IDS: variants seen among roughly 807,000 people sequenced by gnomAD.
IDS encodes the protein alpha-L-iduronate sulfate sulfatase.
A neutral mutation model predicts 33.5 loss-of-function variants in IDS; 1 was observed. The observed-to-expected ratio is 0.03, with a 90% CI of 0.01 to 0.14. IDS has a LOEUF of 0.14. IDS is among the 10% of genes least tolerant of loss of function. IDS has a pLI of 1.00. For missense variants in IDS, 328 were observed against 448.0 expected (o/e 0.73, Z 2.42); for synonymous variants, 191 against 184.4 (o/e 1.04, Z -0.29).
chrX:149,499,895 C>T (rs2089465957), intron 4 of IDS, among the ~76,000 whole-genome samples: 1 of 111,212 alleles, frequency 9.0e-6, no homozygotes, highest in East Asian at 2.8e-4. Flanking sequence ...AGTAGACATG[C>T]TGGCCGTGAG....
Position 149,501,004 on chromosome X carries a change from T to C in IDS, c.452A>G (p.Tyr151Cys). The C allele has an allele frequency of 8.5e-7, 1 of 1,177,910 alleles. No individual in the cohort carries two copies. Among genetic ancestry groups the C allele is most frequent in the South Asian group, 1.8e-5 (1 of 56,491 alleles). ...ISSNHTDDSPYSWSFPPYHPS... is the reference protein window; with the variant it reads ...ISSNHTDDSPCSWSFPPYHPS... ...ATGATAAGGTGGAAAAGACCAGCTATACGGAGAATCATCGGTATGGTTAGA... is the reference window on the plus strand; with the variant it reads ...ATGATAAGGTGGAAAAGACCAGCTACACGGAGAATCATCGGTATGGTTAGA... Residue 151 changes from tyrosine to cysteine, a missense_variant, in exon 4 of 9, where the codon TAT becomes TGT. This residue lies in a region of IDS where 265 missense variants were observed against 339.2 expected (regional missense o/e 0.78). Transcript: ENST00000340855.
chrX:149,479,904 C>T lies in IDS; in HGVS notation c.*2842G>A, dbSNP rs2089286598. ...AAATACCTTTTTAAAGTAAAGCGAA[C>T]ACAAGATTCTTTAGCAATGTTCATT... On this transcript the variant is annotated 3_prime_UTR_variant, in exon 9 of 9. Coordinates refer to ENST00000340855, the MANE Select transcript of IDS (RefSeq NM_000202.8). 5.1e-6 allele frequency: 1 copy of T among 196,251 alleles called. No homozygotes were observed. Among genetic ancestry groups the T allele is most frequent in the East Asian group, 8.5e-5 (1 of 11,747 alleles). The allele number at this position is 196,251 out of a possible 1,213,427, so 16.2% of individuals were successfully genotyped here.
chrX:149,485,307 G>A lies in IDS; in HGVS notation c.1180+1618C>T, dbSNP rs151276912. On this transcript the variant is annotated intron_variant, in intron 8 of 8. Transcript: ENST00000340855. ...CAAGGGATCCAGGGCACAAGCAAGG[G>A]GACCATTTAGCAAGCTCTTGCAGTA... is the stretch of plus-strand genomic sequence containing the variant. Among the ~76,000 whole-genome samples the A allele has an allele frequency of 4.3e-3, 477 of 112,090 alleles. 1 individual carries two copies. The highest frequency in any genetic ancestry group is 0.015 in the African/African-American group (453 of 30,809).
chrX:149,484,473 C>T (rs979449200), intron 8 of IDS, among the ~76,000 whole-genome samples: 7 of 112,153 alleles, frequency 6.2e-5, no homozygotes, highest in Non-Finnish European at 1.3e-4. Flanking sequence ...AGGCATGCAC[C>T]GCCACACCCA....
In IDS at chrX:149,496,648, C is replaced by A. The variant is rs1226651991; in HGVS notation, c.709-132G>T. ...TTGAGTGGTGGCTCACTAGCATTCC[C>A]CACGTGCTCGGCCCTGACCTGGAAG... On this transcript the variant is annotated intron_variant, in intron 5 of 8. Coordinates refer to ENST00000340855, the MANE Select transcript of IDS (RefSeq NM_000202.8). 3 of 649,613 alleles carry A rather than the reference C, an allele frequency of 4.6e-6. No individual in the cohort carries two copies. The African/African-American group carries it at 6.5e-5, about 14-fold the overall frequency. 53.5% of individuals were successfully genotyped at this position (649,613 alleles called of 1,213,427 possible). A position where few individuals can be genotyped will look rare whatever the true frequency, so the allele number is the denominator to read the frequency against.
Position 149,505,052 on chromosome X carries a change from T to C in IDS, c.86A>G (p.Gln29Arg). 8.3e-7 allele frequency: 1 copy of C among 1,206,829 alleles called. No homozygotes were observed. Among genetic ancestry groups the C allele is most frequent in the Non-Finnish European group, 1.1e-6 (1 of 891,884 alleles). ...SVCVALGSET[Q>R]ANSTTDALNV... ...GGCGGCACCTGTGGTCGAGTTGGCC[T>C]GCGTTTCGGATCCGAGGGCGACGCA... The change falls in exon 1 of 9, where the codon CAG (glutamine) becomes CGG (arginine). Residue 29 changes from glutamine (Q) to arginine (R), a missense_variant. Physicochemically the swap from Gln to Arg is conservative, Grantham distance 43 (BLOSUM62 1). Around this residue, in one of 4 missense-constraint regions of IDS, gnomAD observed 45 missense variants for 33.6 expected, o/e 1.34. Transcript: ENST00000340855.
intron 6 of IDS, among the ~76,000 whole-genome samples, chrX:149,493,487 C>A (rs2089410554): frequency 9.0e-6 from 1 of 111,662 alleles, no homozygotes. Context: ...ACTCGCTCTG[C>A]CTTGGAGGTC....
chrX:149,482,960 G>A lies in IDS; in HGVS notation c.1439C>T (p.Pro480Leu), dbSNP rs2123994251. 2 of 1,211,058 alleles carry A rather than the reference G, an allele frequency of 1.7e-6. No individual in the cohort carries two copies. Among genetic ancestry groups the A allele is most frequent in the Non-Finnish European group, 2.2e-6 (2 of 895,046 alleles). Residue 480 changes from proline (P) to leucine (L), a missense_variant, in exon 9 of 9, where the codon CCG becomes CTG. This residue lies in a region of IDS where 265 missense variants were observed against 339.2 expected (regional missense o/e 0.78). Coordinates refer to ENST00000340855, the MANE Select transcript of IDS (RefSeq NM_000202.8). ...SDIPQWNSDK[P>L]SLKDIKIMGY... ...CATGATCTTTATATCTTTTAAACTC[G>A]GCTTGTCAGAATTCCACTGAGGGAT...
At position 149,499,568 on chromosome X, in the gene IDS, G is replaced by A. The variant is rs781893283; in HGVS notation, c.508-1261C>T. On this transcript the variant is annotated intron_variant, in intron 4 of 8. Coordinates refer to ENST00000340855, the MANE Select transcript of IDS (RefSeq NM_000202.8). ...TGGGTGCTGAGACAAAATGAGGAAC[G>A]ACTGGTAATGGGTACAGGGTTTCTT... is the stretch of plus-strand genomic sequence containing the variant. 1.6e-4 allele frequency among the ~76,000 whole-genome samples: 18 copies of A among 110,989 alleles called. No homozygotes were observed. The South Asian group carries it at 6.1e-3, about 37-fold the overall frequency.
chrX:149,486,982 C>G lies in IDS; in HGVS notation c.1123G>C (p.Glu375Gln), dbSNP rs782634993. The G allele has an allele frequency of 8.3e-7, 1 of 1,210,288 alleles. No homozygotes were observed. The highest frequency in any genetic ancestry group is 1.1e-6 in the Non-Finnish European group (1 of 895,214). ...GGGTCGAGGTAAGGGAAAAGCTTCT[C>G]GCCTGCCTCCGGAAGTGAAGCCGTC... ...GRTASLPEAG[E>Q]KLFPYLDPFD... is the part of the protein sequence containing the mutation. Residue 375 changes from glutamate to glutamine, a missense_variant, in exon 8 of 9, where the codon GAG (glutamate) becomes CAG (glutamine). Physicochemically the swap from Glu to Gln is conservative, Grantham distance 29. Coordinates refer to ENST00000340855, the MANE Select transcript of IDS (RefSeq NM_000202.8).
chrX:149,489,705 G>A (rs1557338516), intron 7 of IDS, among the ~76,000 whole-genome samples: 1 of 112,014 alleles, frequency 8.9e-6, no homozygotes, highest in African/African-American at 3.2e-5. Flanking sequence ...AGATGGGGGA[G>A]TGGGTGAGGA....
At chrX:149,487,138 T>A (rs1569560394) in intron 7 of IDS, 40 bp from the exon 8 acceptor site, 3 of 1,210,394 alleles carry the variant, frequency 2.5e-6, no homozygotes, top group Non-Finnish European at 3.4e-6. Context: ...AAATGAATAA[T>A]CATCATACCA....
intron 5 of IDS, 64 bp downstream of exon 5, chrX:149,498,043 C>T (rs1840070336): frequency 9.8e-7 from 1 of 1,023,286 alleles, no homozygotes; most frequent in African/African-American, 1.9e-5. Flanking sequence ...TGTGCAAATC[C>T]CTCCCTCAAC....
In IDS at chrX:149,487,118, G is replaced by A. The variant is rs2124006523; in HGVS notation, c.1007-20C>T. The A allele has an allele frequency of 8.3e-7, 1 of 1,210,733 alleles. No individual in the cohort carries two copies. The highest frequency in any genetic ancestry group is 1.1e-6 in the Non-Finnish European group (1 of 894,864). ...CCCACCCTAGTTCATAAAAAGCACAGAATGACAGAAAATGAATAATCATCA... is the reference window on the plus strand; with the variant it reads ...CCCACCCTAGTTCATAAAAAGCACAAAATGACAGAAAATGAATAATCATCA... On this transcript the variant is annotated intron_variant, in intron 7 of 8. Transcript: ENST00000340855.
intron 6 of IDS, among the ~76,000 whole-genome samples, chrX:149,493,005 A>T (rs1557338897): frequency 9.0e-6 from 1 of 111,219 alleles, no homozygotes; most frequent in African/African-American, 3.3e-5. Context: ...GAAGGAGAAA[A>T]GGCAGGGCAG....
rs199720904 is a variant in IDS at position 149,500,911 on chromosome X, G to C, written c.507+38C>G. ...AGTAGTTTATGTGACAAAGGAAAAA[G>C]TGGTTCCTCTTCAGAAATGTCCCTT... is the stretch of plus-strand genomic sequence containing the variant. On this transcript the variant is annotated intron_variant, in intron 4 of 8. Coordinates refer to ENST00000340855, the MANE Select transcript of IDS (RefSeq NM_000202.8). 5.1e-5 allele frequency: 45 copies of C among 877,031 alleles called. No individual in the cohort carries two copies. In the East Asian group the frequency reaches 8.9e-4, roughly 17 times the overall value. The allele number at this position is 877,031 out of a possible 1,213,427, so 72.3% of individuals were successfully genotyped here. A position where few individuals can be genotyped will look rare whatever the true frequency, so the allele number is the denominator to read the frequency against.
chrX:149,499,736 G>GA (rs1280506516), intron 4 of IDS, among the ~76,000 whole-genome samples: 37 of 105,544 alleles, frequency 3.5e-4, no homozygotes, highest in Middle Eastern at 9.6e-3. Flanking sequence ...AATTTAAAAA[G>GA]AAAAAAAAAA....
intron 1 of IDS, 50 bp from the exon 2 acceptor site, chrX:149,504,343 C>T: frequency 8.7e-7 from 1 of 1,153,816 alleles, no homozygotes; most frequent in Non-Finnish European, 1.2e-6. Flanking sequence ...TGACACTGAA[C>T]CCTCCCTCAT....
intron 7 of IDS, 69 bp from the exon 8 acceptor site, chrX:149,487,167 T>C (rs782079539): frequency 2.5e-5 from 30 of 1,207,290 alleles, no homozygotes; most frequent in Admixed American, 4.4e-5. Flanking sequence ...TTATTTTAGA[T>C]ACCATTTCAT....
Sources: gnomAD v4.1 joint callset for allele counts (sites outside exome capture counted in the v4.1 genomes callset) on GRCh38, gnomAD v4.1.1 for gene constraint, gnomAD v4.1.1 regional missense constraint, MANE v1.5 for transcripts, NCBI Gene and HGNC (gene_info 2026-07-23, HGNC 2026-07-21) for gene names.